SEMA3E: variants seen among roughly 807,000 people sequenced by gnomAD.
SEMA3E encodes semaphorin-3E.
A neutral mutation model predicts 93.6 loss-of-function variants in SEMA3E; 49 were observed. That is an observed-to-expected ratio of 0.52 (90% CI 0.42 to 0.66). The LOEUF is 0.66. Among genes scored for constraint, SEMA3E ranks in the 30% least tolerant of loss-of-function variants. SEMA3E has a pLI of 0.00. For synonymous variants in SEMA3E, 363 were observed against 330.7 expected (o/e 1.10, Z -1.06); for missense variants, 906 against 964.8 (o/e 0.94, Z 0.81).
intron 4 of SEMA3E, among the ~76,000 whole-genome samples, chr7:83,420,264 A>C (rs1788646902): frequency 6.6e-6 from 1 of 152,106 alleles, no homozygotes; most frequent in Admixed American, 6.6e-5. Flanking sequence ...ACAAGGTGAA[A>C]GGCCTCTATA....
chr7:83,529,318 C>T (rs3801529), intron 1 of SEMA3E, among the ~76,000 whole-genome samples: 15,531 of 152,044 alleles, frequency 0.1, 975 homozygotes, highest in East Asian at 0.21. Flanking sequence ...CATGACCTTG[C>T]TTTCTTTCTA....
At chr7:83,404,565 T>A (rs2709933) in intron 9 of SEMA3E, among the ~76,000 whole-genome samples, 76,848 of 151,846 alleles carry the variant, frequency 0.51, 22,346 homozygotes, top group East Asian at 0.85. Context: ...TTTTAACAAA[T>A]ACTGATTCTA....
chr7:83,369,233 A>G (rs1435729393), intron 16 of SEMA3E, among the ~76,000 whole-genome samples: 2 of 148,316 alleles, frequency 1.3e-5, no homozygotes, highest in Admixed American at 1.3e-4. Flanking sequence ...ATAATTACAA[A>G]CAATTTGGCA....
At chr7:83,539,226 TC>T (rs1791468317) in intron 1 of SEMA3E, among the ~76,000 whole-genome samples, 2 of 152,172 alleles carry the variant, frequency 1.3e-5, no homozygotes, top group Admixed American at 1.3e-4. Flanking sequence ...AGCTGGAATT[TC>T]AACATGCTCT....
chr7:83,553,895 G>A (rs960626439), intron 1 of SEMA3E, among the ~76,000 whole-genome samples: 1 of 152,044 alleles, frequency 6.6e-6, no homozygotes, highest in Non-Finnish European at 1.5e-5. Flanking sequence ...CAAGAGTTGA[G>A]AGGCTAGTAC....
At chr7:83,386,039 A>G (rs1248244394) in intron 15 of SEMA3E, among the ~76,000 whole-genome samples, 1 of 152,150 alleles carries the variant, frequency 6.6e-6, no homozygotes, top group Non-Finnish European at 1.5e-5. Flanking sequence ...TGCAGTAGGG[A>G]ATAAAAGGAA....
chr7:83,648,773 G>C lies in SEMA3E; in HGVS notation c.-231C>G, dbSNP rs963213581. 3.4e-6 allele frequency: 2 copies of C among 581,342 alleles called. No homozygotes were observed. The highest frequency in any genetic ancestry group is 6.3e-6 in the Non-Finnish European group (2 of 319,976). The allele number at this position is 581,342 out of a possible 1,614,324, so 36.0% of individuals were successfully genotyped here. A position where few individuals can be genotyped will look rare whatever the true frequency, so the allele number is the denominator to read the frequency against. ...GCCGGGAGCAAGAGGACATTCCAAAGAGTGAGTCTTCAGAGCCATGTCCTG... is the reference window on the plus strand; with the variant it reads ...GCCGGGAGCAAGAGGACATTCCAAACAGTGAGTCTTCAGAGCCATGTCCTG... On this transcript the variant is annotated 5_prime_UTR_variant, in exon 1 of 17. Coordinates refer to ENST00000643230, the MANE Select transcript of SEMA3E (RefSeq NM_012431.3).
chr7:83,490,065 T>C, intron 2 of SEMA3E, 49 bp downstream of exon 2: 1 of 1,573,674 alleles, frequency 6.4e-7, no homozygotes, highest in Admixed American at 1.7e-5. Flanking sequence ...ATTCTTGAAA[T>C]TTCCCCCCTT....
intron 5 of SEMA3E, among the ~76,000 whole-genome samples, chr7:83,414,915 T>A (rs2255567): frequency 0.53 from 81,156 of 151,850 alleles, 23,486 homozygotes; most frequent in East Asian, 0.84. Flanking sequence ...TAAAAATGGC[T>A]ATAGAATTAA....
chr7:83,521,881 A>G (rs1791056723), intron 1 of SEMA3E, among the ~76,000 whole-genome samples: 1 of 152,126 alleles, frequency 6.6e-6, no homozygotes, highest in East Asian at 1.9e-4. Context: ...GCTTTCATAT[A>G]TGAATTTTAA....
Position 83,367,335 on chromosome 7 carries a change from C to T in SEMA3E, c.*251G>A, listed in dbSNP as rs1442042233. On this transcript the variant is annotated 3_prime_UTR_variant, in exon 17 of 17. Coordinates refer to ENST00000643230, the MANE Select transcript of SEMA3E (RefSeq NM_012431.3). ...AGCAGCCAAGTACTGAAAATAACAG[C>T]TACAGTTGTTTTTTGATAAACATAA... is the stretch of plus-strand genomic sequence containing the variant. 2.3e-6 allele frequency: 1 copy of T among 427,582 alleles called. No individual in the cohort carries two copies. Among genetic ancestry groups the T allele is most frequent in the Non-Finnish European group, 4.2e-6 (1 of 238,918 alleles). The allele number at this position is 427,582 out of a possible 1,614,324, so 26.5% of individuals were successfully genotyped here. A position where few individuals can be genotyped will look rare whatever the true frequency, so the allele number is the denominator to read the frequency against.
At chr7:83,511,065 A>C (rs1313173792) in intron 1 of SEMA3E, among the ~76,000 whole-genome samples, 2 of 152,168 alleles carry the variant, frequency 1.3e-5, no homozygotes, top group Non-Finnish European at 1.5e-5. Context: ...GAAATCTACA[A>C]GTTTGATTTT....
At chr7:83,608,685 T>G (rs527534538) in intron 1 of SEMA3E, among the ~76,000 whole-genome samples, 1 of 152,120 alleles carries the variant, frequency 6.6e-6, no homozygotes, top group Non-Finnish European at 1.5e-5. Context: ...TAATTTGAAT[T>G]CCATAAATAT....
chr7:83,424,466 A>G (rs1788731305), intron 4 of SEMA3E, among the ~76,000 whole-genome samples: 1 of 152,158 alleles, frequency 6.6e-6, no homozygotes, highest in African/African-American at 2.4e-5. Flanking sequence ...CTAAAACTAC[A>G]TCTCCGGCCT....
intron 4 of SEMA3E, among the ~76,000 whole-genome samples, chr7:83,453,870 T>A (rs576968345): frequency 2.0e-5 from 3 of 152,126 alleles, no homozygotes. Context: ...AATATTCATA[T>A]ATTTATTCTA....
At chr7:83,530,936 G>A (rs1054636789) in intron 1 of SEMA3E, among the ~76,000 whole-genome samples, 1 of 152,030 alleles carries the variant, frequency 6.6e-6, no homozygotes, top group African/African-American at 2.4e-5. Flanking sequence ...GATGTAGTTT[G>A]TATTTTATAA....
At chr7:83,627,304 G>C (rs1440465943) in intron 1 of SEMA3E, among the ~76,000 whole-genome samples, 1 of 152,130 alleles carries the variant, frequency 6.6e-6, no homozygotes, top group African/African-American at 2.4e-5. Flanking sequence ...ACAGTGGGGT[G>C]TTAAAGTCTC....
chr7:83,508,660 A>G (rs1790751971), intron 1 of SEMA3E, among the ~76,000 whole-genome samples: 1 of 152,216 alleles, frequency 6.6e-6, no homozygotes. Flanking sequence ...TATCTTTAAT[A>G]TTCAATGACA....
chr7:83,473,178 AAC>A (rs1430457062), intron 2 of SEMA3E, among the ~76,000 whole-genome samples: 1 of 152,226 alleles, frequency 6.6e-6, no homozygotes, highest in African/African-American at 2.4e-5. Flanking sequence ...GAGTGAAAAT[AAC>A]ACAGCCAAGT....
Sources: gnomAD v4.1 joint callset for allele counts (sites outside exome capture counted in the v4.1 genomes callset) on GRCh38, gnomAD v4.1.1 for gene constraint, MANE v1.5 for transcripts, NCBI Gene and HGNC (gene_info 2026-07-23, HGNC 2026-07-21) for gene names.